CDH4: variants seen among roughly 807,000 people sequenced by gnomAD.
CDH4 encodes cadherin-4.
In CDH4, 33 loss-of-function variants were observed where a neutral mutation model predicts 86.0. The observed-to-expected ratio is 0.38, with a 90% CI of 0.29 to 0.51. The LOEUF (loss-of-function observed/expected upper bound fraction) is 0.51, where lower values mean the gene tolerates loss of function less well. Among genes scored for constraint, CDH4 ranks in the 20% least tolerant of loss-of-function variants. The pLI is 0.86. For synonymous variants in CDH4, 555 were observed against 549.4 expected (o/e 1.01, Z -0.14); for missense variants, 1,114 against 1,307.4 (o/e 0.85, Z 2.28).
chr20:61,521,030 C>T (rs2085865316), intron 2 of CDH4, among the ~76,000 whole-genome samples: 1 of 152,190 alleles, frequency 6.6e-6, no homozygotes, highest in Non-Finnish European at 1.5e-5. Flanking sequence ...GGGGCCCGCA[C>T]CCACCTCCTT....
chr20:61,535,219 C>T (rs57657111), intron 2 of CDH4, among the ~76,000 whole-genome samples: 23,379 of 152,132 alleles, frequency 0.15, 2,099 homozygotes, highest in East Asian at 0.45. Context: ...CTCAGAAGTG[C>T]GACCTGATGA....
At chr20:61,373,182 C>G (rs1324808812) in intron 2 of CDH4, among the ~76,000 whole-genome samples, 2 of 152,166 alleles carry the variant, frequency 1.3e-5, no homozygotes, top group Non-Finnish European at 2.9e-5. Context: ...GCCCCCGTCT[C>G]AACACCCAGG....
At chr20:61,347,910 C>T (rs1282937573) in intron 2 of CDH4, among the ~76,000 whole-genome samples, 1 of 84,082 alleles carries the variant, frequency 1.2e-5, no homozygotes, top group African/African-American at 3.9e-5. Flanking sequence ...GTCTGATAGT[C>T]AGAGGGAATA....
chr20:61,499,354 A>C lies in CDH4; in HGVS notation c.170-244209A>C. 3 of 872,648 alleles carry C rather than the reference A, an allele frequency of 3.4e-6. No homozygotes were observed. The Admixed American group carries it at 7.2e-5, about 21-fold the overall frequency. The allele number at this position is 872,648 out of a possible 1,614,324, so 54.1% of individuals were successfully genotyped here. On this transcript the variant is annotated intron_variant, in intron 2 of 15. Coordinates refer to ENST00000614565, the MANE Select transcript of CDH4 (RefSeq NM_001794.5). ...TGCCTCAGTTTCGCCACCTAGAAGG[A>C]TAGCAGTGCCTCTTGCTCTGCCCTG...
chr20:61,568,056 A>T (rs900093682), intron 2 of CDH4, among the ~76,000 whole-genome samples: 3 of 152,318 alleles, frequency 2.0e-5, no homozygotes, highest in Admixed American at 6.5e-5. Flanking sequence ...CTTATTGTTA[A>T]TTACTTTTTT....
At chr20:61,391,414 C>A (rs138775633) in intron 2 of CDH4, among the ~76,000 whole-genome samples, 2 of 152,194 alleles carry the variant, frequency 1.3e-5, no homozygotes, top group African/African-American at 4.8e-5. Context: ...GCACTTCCTG[C>A]GGTAGATGAG....
At chr20:61,836,933 C>T (rs1981910795) in intron 4 of CDH4, among the ~76,000 whole-genome samples, 1 of 152,230 alleles carries the variant, frequency 6.6e-6, no homozygotes, top group Non-Finnish European at 1.5e-5. Context: ...CTGGCCCATG[C>T]CTATAATCCC....
chr20:61,798,463 G>A (rs1217365214), intron 4 of CDH4, among the ~76,000 whole-genome samples: 1 of 152,224 alleles, frequency 6.6e-6, no homozygotes, highest in African/African-American at 2.4e-5. Flanking sequence ...GGTCCAGAGC[G>A]TGGCCCCGGG....
intron 3 of CDH4, among the ~76,000 whole-genome samples, chr20:61,749,358 T>G (rs953814369): frequency 3.9e-5 from 6 of 152,152 alleles, no homozygotes; most frequent in Non-Finnish European, 7.4e-5. Flanking sequence ...AATTAACAGG[T>G]CTGGCTTTAC....
Position 61,582,406 on chromosome 20 carries a change from G to A in CDH4, c.170-161157G>A, listed in dbSNP as rs1036010291. Among the ~76,000 whole-genome samples, 4 of 152,214 alleles carry A rather than the reference G, an allele frequency of 2.6e-5. No homozygotes were observed. The East Asian group carries it at 5.8e-4, about 22-fold the overall frequency. The stretch of plus-strand genomic sequence containing the variant: ...TTTCCCAGGGCCATCCCCCTGCCTG[G>A]GGCCCTGTCCGCAAGTCCTTCTCAG... On this transcript the variant is annotated intron_variant, in intron 2 of 15. Coordinates refer to ENST00000614565, the MANE Select transcript of CDH4 (RefSeq NM_001794.5). This position sits in a 1 kb window ranked among gnomAD's most constrained non-coding sequence, Gnocchi z 4.2.
chr20:61,798,347 G>A (rs895256068), intron 4 of CDH4, among the ~76,000 whole-genome samples: 9 of 152,288 alleles, frequency 5.9e-5, no homozygotes, highest in South Asian at 4.1e-4. Context: ...CTGGCCCCAC[G>A]GGCCTCCACA....
At chr20:61,579,233 T>C (rs1179494525) in intron 2 of CDH4, among the ~76,000 whole-genome samples, 9 of 151,356 alleles carry the variant, frequency 5.9e-5, no homozygotes, top group Non-Finnish European at 4.4e-5. Context: ...GAGACTCTAC[T>C]AGCAGCCAGC....
chr20:61,928,224 G>A lies in CDH4; in HGVS notation c.1806G>A (p.Gln602=). The stretch of plus-strand genomic sequence containing the variant: ...CGGCCAGCGGCACCGGGACCCTCCA[G>A]ATCTATCTCATTGACATCAACGACA... The part of the protein sequence containing the change: ...IPPASGTGTL[Q]IYLIDINDNA... Residue 602 remains glutamine, a synonymous_variant, in exon 12 of 16, where the codon CAG becomes CAA. Transcript: ENST00000614565. 6.2e-7 allele frequency: 1 copy of A among 1,604,058 alleles called. No individual in the cohort carries two copies.
chr20:61,299,069 GA>G (rs1284274719), intron 2 of CDH4, among the ~76,000 whole-genome samples: 1 of 151,766 alleles, frequency 6.6e-6, no homozygotes, highest in African/African-American at 2.4e-5. Context: ...ATCATATCTG[GA>G]AAAAAAATGG....
chr20:61,607,500 A>C (rs1450671187), intron 2 of CDH4, among the ~76,000 whole-genome samples: 1 of 152,222 alleles, frequency 6.6e-6, no homozygotes, highest in African/African-American at 2.4e-5. Context: ...TTAGTGCAGA[A>C]AGAGGGAACA....
chr20:61,787,230 T>G (rs1315776303), intron 4 of CDH4, among the ~76,000 whole-genome samples: 1 of 152,178 alleles, frequency 6.6e-6, no homozygotes, highest in Admixed American at 6.5e-5. Context: ...CTCACGCTGC[T>G]AATAAAGACA....
chr20:61,289,185 T>C (rs1297326606), intron 2 of CDH4, among the ~76,000 whole-genome samples: 1 of 152,172 alleles, frequency 6.6e-6, no homozygotes, highest in Admixed American at 6.5e-5. Context: ...CATTGCTTGG[T>C]GGGCCTTGTC....
chr20:61,827,081 G>T (rs1309994100), intron 4 of CDH4, among the ~76,000 whole-genome samples: 2 of 151,878 alleles, frequency 1.3e-5, no homozygotes, highest in Admixed American at 1.3e-4. Flanking sequence ...GAAGAGGCCA[G>T]GATAGAGGGG....
intron 7 of CDH4, among the ~76,000 whole-genome samples, chr20:61,875,038 G>A (rs924748975): frequency 3.3e-5 from 5 of 152,224 alleles, no homozygotes; most frequent in African/African-American, 9.6e-5. Flanking sequence ...ACCTGTCACC[G>A]GGGCTTGCTG....
Sources: gnomAD v4.1 joint callset for allele counts (sites outside exome capture counted in the v4.1 genomes callset) on GRCh38, gnomAD v4.1.1 for gene constraint, Gnocchi (gnomAD v3.1) non-coding constraint, MANE v1.5 for transcripts, NCBI Gene and HGNC (gene_info 2026-07-23, HGNC 2026-07-21) for gene names.